A1CF: variants seen among roughly 807,000 people sequenced by gnomAD.
The protein encoded by A1CF is APOBEC1 complementation factor.
In A1CF, 48 loss-of-function variants were observed where a neutral mutation model predicts 68.9. The ratio of observed to expected loss-of-function variants is 0.70; its 90% CI spans 0.55 to 0.89. A1CF has a LOEUF of 0.89. Among genes scored for constraint, A1CF ranks in the 40% least tolerant of loss-of-function variants. The probability of loss-of-function intolerance (pLI) is 0.00; values close to 1 mark genes in which losing one functional copy is unlikely to be tolerated. For missense variants in A1CF, 653 were observed against 718.9 expected, an observed-to-expected ratio of 0.91 and a Z score of 1.05; for synonymous variants, 272 against 260.4, an observed-to-expected ratio of 1.04 and a Z score of -0.43.
chr10:50,865,350 C>T (rs1840939139), intron 1 of A1CF, among the ~76,000 whole-genome samples: 1 of 152,044 alleles, frequency 6.6e-6, no homozygotes, highest in South Asian at 2.1e-4. Flanking sequence ...ATGATAATTC[C>T]ATCATAGGGT....
At chr10:50,847,301 TCAC>T (rs1840046001) in intron 3 of A1CF, among the ~76,000 whole-genome samples, 1 of 152,194 alleles carries the variant, frequency 6.6e-6, no homozygotes, top group Non-Finnish European at 1.5e-5. Flanking sequence ...TGGAAAGTCT[TCAC>T]CTATGTAAAT....
intron 2 of A1CF, chr10:50,863,042 G>T (rs1357858667): frequency 6.6e-6 from 1 of 152,124 alleles, no homozygotes; most frequent in Non-Finnish European, 1.5e-5. Flanking sequence ...AATTAGTAAA[G>T]GTTATTAAAG....
Position 50,806,650 on chromosome 10 carries a change from G to A in A1CF, c.*79C>T, listed in dbSNP as rs1433841209. 13 of 1,331,516 alleles carry A rather than the reference G, an allele frequency of 9.8e-6. No individual in the cohort carries two copies. The highest frequency in any genetic ancestry group is 1.3e-5 in the Non-Finnish European group (13 of 996,260). 82.5% of individuals were successfully genotyped at this position (1,331,516 alleles called of 1,614,324 possible). ...GAAACATATTATTTATGATCATTGGGGACCGAGTTAGAGGTTTATTTCTTT... is the reference window on the plus strand; with the variant it reads ...GAAACATATTATTTATGATCATTGGAGACCGAGTTAGAGGTTTATTTCTTT... On this transcript the variant is annotated 3_prime_UTR_variant, in exon 13 of 13. Transcript: ENST00000373997.
intron 4 of A1CF, 49 bp downstream of exon 4, chr10:50,843,939 A>G: frequency 6.2e-7 from 1 of 1,608,196 alleles, no homozygotes; most frequent in Non-Finnish European, 8.5e-7. Flanking sequence ...AGAGAACAGT[A>G]TTTTTCCCTT....
At chr10:50,815,558 A>G (rs1345467631) in intron 9 of A1CF, among the ~76,000 whole-genome samples, 1 of 152,220 alleles carries the variant, frequency 6.6e-6, no homozygotes, top group Non-Finnish European at 1.5e-5. Flanking sequence ...ATATTAAGAC[A>G]ATGCCACTGA....
chr10:50,860,976 G>A (rs1840718216), intron 2 of A1CF, among the ~76,000 whole-genome samples: 1 of 152,162 alleles, frequency 6.6e-6, no homozygotes, highest in Non-Finnish European at 1.5e-5. Flanking sequence ...CCAGGACAGA[G>A]GAATATGTTT....
intron 12 of A1CF, among the ~76,000 whole-genome samples, chr10:50,807,797 C>T (rs1366084913): frequency 6.6e-6 from 1 of 152,090 alleles, no homozygotes; most frequent in African/African-American, 2.4e-5. Flanking sequence ...CAAATGGGCA[C>T]CTATTTTTCA....
At chr10:50,815,224 A>G (rs1434428397) in intron 9 of A1CF, among the ~76,000 whole-genome samples, 2 of 152,242 alleles carry the variant, frequency 1.3e-5, no homozygotes, top group Non-Finnish European at 2.9e-5. Flanking sequence ...TGAAGGAGCC[A>G]AAAAGACAGG....
In A1CF at chr10:50,828,034, T is replaced by C. The variant is rs1839050385; in HGVS notation, c.769+97A>G. ...CCTCTATGCAAATAAACTAGAAATC[T>C]AGAAGAAATGGACAAATTCCTCGAC... On this transcript the variant is annotated intron_variant, in intron 7 of 12. Coordinates refer to ENST00000373997, the MANE Select transcript of A1CF (RefSeq NM_014576.4). 4 of 880,576 alleles carry C rather than the reference T, an allele frequency of 4.5e-6. No individual in the cohort carries two copies. In the African/African-American group the frequency reaches 6.7e-5, roughly 15 times the overall value. The allele number at this position is 880,576 out of a possible 1,614,324, so 54.5% of individuals were successfully genotyped here.
intron 5 of A1CF, among the ~76,000 whole-genome samples, chr10:50,838,393 A>C (rs1839621232): frequency 6.6e-6 from 1 of 152,240 alleles, no homozygotes; most frequent in Admixed American, 6.5e-5. Flanking sequence ...ACTTTACTTA[A>C]AAAAGAAAAC....
intron 12 of A1CF, among the ~76,000 whole-genome samples, chr10:50,808,955 G>A (rs1050965002): frequency 1.3e-5 from 2 of 151,470 alleles, no homozygotes; most frequent in East Asian, 1.9e-4. Context: ...TGTGGCACAC[G>A]CTGACACAAT....
chr10:50,862,101 C>G (rs933769834), intron 2 of A1CF, among the ~76,000 whole-genome samples: 1 of 152,020 alleles, frequency 6.6e-6, no homozygotes, highest in Non-Finnish European at 1.5e-5. Context: ...TGCAGTGGCT[C>G]TGGCCTGTAA....
At chr10:50,840,115 G>T (rs1444037440) in intron 5 of A1CF, among the ~76,000 whole-genome samples, 2 of 151,972 alleles carry the variant, frequency 1.3e-5, no homozygotes, top group Non-Finnish European at 2.9e-5. Context: ...ACTTCTTTTG[G>T]TCCTATAGAA....
At chr10:50,815,743 G>T (rs969981154) in intron 9 of A1CF, among the ~76,000 whole-genome samples, 1 of 152,128 alleles carries the variant, frequency 6.6e-6, no homozygotes, top group Admixed American at 6.6e-5. Flanking sequence ...TTTAGTTTGT[G>T]CAAATTTTAT....
chr10:50,809,807 C>T (rs1050724483), intron 12 of A1CF, 87 bp downstream of exon 12: 2 of 1,566,158 alleles, frequency 1.3e-6, no homozygotes, highest in African/African-American at 2.7e-5. Flanking sequence ...GTAGGGTACA[C>T]AAACATTTCT....
intron 12 of A1CF, among the ~76,000 whole-genome samples, chr10:50,807,344 T>C (rs1037428656): frequency 4.6e-5 from 7 of 152,170 alleles, no homozygotes; most frequent in African/African-American, 1.7e-4. Context: ...ATGAAACATT[T>C]AAAACATTTG....
chr10:50,849,748 C>T (rs1413346998), intron 3 of A1CF, among the ~76,000 whole-genome samples: 3 of 140,074 alleles, frequency 2.1e-5, no homozygotes, highest in African/African-American at 5.1e-5. Context: ...TTGCTTTTAA[C>T]ATAAACGACT....
At chr10:50,846,488 C>T (rs1209529918) in intron 3 of A1CF, among the ~76,000 whole-genome samples, 2 of 152,152 alleles carry the variant, frequency 1.3e-5, no homozygotes, top group African/African-American at 4.8e-5. Context: ...ATGTCTGTAA[C>T]ATTCAACAGA....
chr10:50,810,967 T>C (rs980555306), intron 11 of A1CF, 73 bp downstream of exon 11: 34 of 1,465,022 alleles, frequency 2.3e-5, no homozygotes, highest in African/African-American at 5.6e-5. Flanking sequence ...CTTGTTTAGA[T>C]GGTGACTAAA....
Sources: allele counts gnomAD v4.1 joint callset (sites outside exome capture counted in the v4.1 genomes callset), GRCh38; gene constraint gnomAD v4.1.1; transcripts MANE v1.5; gene names NCBI Gene and HGNC (gene_info 2026-07-23, HGNC 2026-07-21).